PCDH7: variants seen among roughly 807,000 people sequenced by gnomAD.
PCDH7 encodes protocadherin 7.
A neutral mutation model predicts 58.9 loss-of-function variants in PCDH7; 17 were observed. The ratio of observed to expected loss-of-function variants is 0.29; its 90% CI spans 0.20 to 0.43. The LOEUF is 0.43. Ranked by LOEUF, PCDH7 falls within the 20% of genes least tolerant of loss-of-function variation. The pLI, the probability that PCDH7 is intolerant of heterozygous loss-of-function variation, is 1.00. For synonymous variants in PCDH7, 664 were observed against 616.4 expected (o/e 1.08, Z -1.14); for missense variants, 1,274 against 1,441.0 (o/e 0.88, Z 1.88).
chr4:30,740,305 A>G (rs1304878746), intron 1 of PCDH7, among the ~76,000 whole-genome samples: 1 of 152,134 alleles, frequency 6.6e-6, no homozygotes, highest in Non-Finnish European at 1.5e-5. Flanking sequence ...ATCTTGTACT[A>G]TGTTCTTGAA....
At chr4:31,000,337 T>G (rs1343761779) in intron 3 of PCDH7, among the ~76,000 whole-genome samples, 1 of 152,164 alleles carries the variant, frequency 6.6e-6, no homozygotes, top group Non-Finnish European at 1.5e-5. Flanking sequence ...ACTCTCGCTA[T>G]AGGAAAGTCT....
chr4:31,038,002 T>C (rs991928538), intron 3 of PCDH7, among the ~76,000 whole-genome samples: 2 of 152,214 alleles, frequency 1.3e-5, no homozygotes, highest in Admixed American at 1.3e-4. Flanking sequence ...GTCAAGTAGA[T>C]GGATTCAATA....
At chr4:31,079,995 C>T (rs908389397) in intron 3 of PCDH7, among the ~76,000 whole-genome samples, 1 of 152,062 alleles carries the variant, frequency 6.6e-6, no homozygotes, top group African/African-American at 2.4e-5. Flanking sequence ...AGTGCCGCAA[C>T]CTCTCTTCTA....
intron 3 of PCDH7, among the ~76,000 whole-genome samples, chr4:31,059,618 G>T (rs1216351709): frequency 6.6e-6 from 1 of 151,910 alleles, no homozygotes; most frequent in East Asian, 1.9e-4. Flanking sequence ...TTCAACTTGA[G>T]CTAGACAGAT....
chr4:31,101,760 T>A (rs972059335), intron 3 of PCDH7, among the ~76,000 whole-genome samples: 1 of 152,208 alleles, frequency 6.6e-6, no homozygotes, highest in African/African-American at 2.4e-5. Context: ...TATAAATGCA[T>A]TGAGTATAGT....
At chr4:30,882,610 C>T (rs1007713755) in intron 1 of PCDH7, among the ~76,000 whole-genome samples, 1 of 152,046 alleles carries the variant, frequency 6.6e-6, no homozygotes, top group African/African-American at 2.4e-5. Flanking sequence ...TTCTTCGTAC[C>T]AGTTGGTAAA....
intron 3 of PCDH7, among the ~76,000 whole-genome samples, chr4:31,102,673 CAAAAA>C (rs765391662): frequency 1.0e-5 from 1 of 96,184 alleles, no homozygotes; most frequent in Non-Finnish European, 2.2e-5. Context: ...AACTCCATCT[CAAAAA>C]AAAAAAAAAA....
At chr4:30,934,357 A>G (rs541627719) in intron 2 of PCDH7, among the ~76,000 whole-genome samples, 27 of 152,316 alleles carry the variant, frequency 1.8e-4, no homozygotes, top group African/African-American at 6.5e-4. Flanking sequence ...TTTAGAACAC[A>G]AAGTACAGGA....
rs1399934600 is a variant in PCDH7, at chr4:30,724,545, A to G, written c.3123A>G (p.Ser1041=). ...CAGGAGACAACATTTCAATTGGATC[A>G]GATCACTGCTCTGAGTACAGCTGTC... Residue 1041 remains serine, a synonymous_variant, in exon 1 of 2, where the codon TCA becomes TCG. Transcript: ENST00000361762. The G allele has an allele frequency of 6.2e-6, 10 of 1,614,032 alleles. No individual in the cohort carries two copies. The Admixed American group carries it at 8.3e-5, about 13-fold the overall frequency.
chr4:31,122,032 G>T (rs1260972252), intron 3 of PCDH7, among the ~76,000 whole-genome samples: 1 of 151,856 alleles, frequency 6.6e-6, no homozygotes, highest in Non-Finnish European at 1.5e-5. Flanking sequence ...CCCAAAAGAA[G>T]CAAAAGCAAG....
intron 2 of PCDH7, among the ~76,000 whole-genome samples, chr4:30,944,491 G>A (rs1446417811): frequency 1.3e-5 from 2 of 152,076 alleles, no homozygotes; most frequent in African/African-American, 4.8e-5. Context: ...TTTTTAAAGT[G>A]TAAAGGAGGC....
intron 1 of PCDH7, among the ~76,000 whole-genome samples, chr4:30,863,305 A>G (rs1388895588): frequency 6.6e-6 from 1 of 152,066 alleles, no homozygotes; most frequent in Admixed American, 6.6e-5. Flanking sequence ...GCTATAATAT[A>G]GTTGTTCTCA....
intron 3 of PCDH7, among the ~76,000 whole-genome samples, chr4:30,955,845 G>A (rs932269436): frequency 2.0e-5 from 3 of 151,894 alleles, no homozygotes; most frequent in African/African-American, 4.8e-5. Flanking sequence ...CACCGTGCTC[G>A]GCCAAGGCCA....
chr4:30,757,468 C>G (rs1023596264), intron 1 of PCDH7, among the ~76,000 whole-genome samples: 5 of 152,204 alleles, frequency 3.3e-5, no homozygotes, highest in African/African-American at 7.2e-5. Flanking sequence ...TAGCCCTGCT[C>G]AGGTATGCTA....
At position 30,835,246 on chromosome 4, in the gene PCDH7, T is replaced by A. The variant is rs562273388; in HGVS notation, c.71-84907T>A. 5.9e-5 allele frequency among the ~76,000 whole-genome samples: 9 copies of A among 152,086 alleles called. No individual in the cohort carries two copies. The South Asian group carries it at 1.9e-3, about 32-fold the overall frequency. The stretch of plus-strand genomic sequence containing the variant: ...CCCCCGGGCCACGAACCGGTCCAGG[T>A]TCATGGCCTGTTAGTAACCGGGCCA... On this transcript the variant is annotated intron_variant, in intron 1 of 3. Transcript: ENST00000509759.
chr4:31,047,310 T>C (rs923719211), intron 3 of PCDH7, among the ~76,000 whole-genome samples: 1 of 152,066 alleles, frequency 6.6e-6, no homozygotes, highest in Admixed American at 6.6e-5. Flanking sequence ...CACTACCCTA[T>C]AGCATGATTG....
intron 1 of PCDH7, among the ~76,000 whole-genome samples, chr4:30,844,606 A>G (rs183236718): frequency 6.6e-6 from 1 of 152,326 alleles, no homozygotes; most frequent in East Asian, 1.9e-4. Flanking sequence ...GGAAAGAAAT[A>G]ATCGTAAATC....
chr4:31,122,387 CT>C (rs1717797472), intron 3 of PCDH7, among the ~76,000 whole-genome samples: 1 of 152,104 alleles, frequency 6.6e-6, no homozygotes, highest in African/African-American at 2.4e-5. Context: ...CAAGTTTTCA[CT>C]GACAGTTACT....
intron 1 of PCDH7, among the ~76,000 whole-genome samples, chr4:30,839,388 G>A (rs1467337520): frequency 1.3e-5 from 2 of 152,090 alleles, no homozygotes; most frequent in Admixed American, 6.6e-5. Context: ...TAGCTATTGT[G>A]TGTAAGCTGC....
Sources: allele counts gnomAD v4.1 joint callset (sites outside exome capture counted in the v4.1 genomes callset), GRCh38; gene constraint gnomAD v4.1.1; transcripts MANE v1.5; gene names NCBI Gene and HGNC (gene_info 2026-07-23, HGNC 2026-07-21).